VWC2L: variants seen among roughly 807,000 people sequenced by gnomAD.
VWC2L encodes von Willebrand factor C domain-containing protein 2-like.
In VWC2L, 10 loss-of-function variants were observed where a neutral mutation model predicts 21.6. That is an observed-to-expected ratio of 0.46 (90% CI 0.29 to 0.78). The LOEUF (loss-of-function observed/expected upper bound fraction) is 0.78, where lower values mean the gene tolerates loss of function less well. Among genes scored for constraint, VWC2L ranks in the 30% least tolerant of loss-of-function variants. The probability of loss-of-function intolerance (pLI) is 0.10; values close to 1 mark genes in which losing one functional copy is unlikely to be tolerated. For synonymous variants in VWC2L, 96 were observed against 94.3 expected (o/e 1.02, Z -0.10); for missense variants, 209 against 277.1 (o/e 0.75, Z 1.74).
Position 214,469,261 on chromosome 2 carries a change from G to A in VWC2L, c.520+32503G>A, listed in dbSNP as rs1295977144. On this transcript the variant is annotated intron_variant, in intron 3 of 3. Coordinates refer to ENST00000312504, the MANE Select transcript of VWC2L (RefSeq NM_001080500.4). ...TGCAATTAATGACGATCTTATATAA[G>A]AAGTTGGTCTGCTTCAGGTCTATAC... 2.6e-5 allele frequency among the ~76,000 whole-genome samples: 4 copies of A among 152,254 alleles called. No homozygotes were observed. The East Asian group carries it at 7.7e-4, about 29-fold the overall frequency.
At chr2:214,558,082 T>A (rs1689902194) in intron 3 of VWC2L, among the ~76,000 whole-genome samples, 1 of 152,218 alleles carries the variant, frequency 6.6e-6, no homozygotes, top group Admixed American at 6.5e-5. Flanking sequence ...GTCTCTGCCT[T>A]ATCTCCACGC....
chr2:214,559,518 T>C (rs1033390928), intron 3 of VWC2L, among the ~76,000 whole-genome samples: 1 of 152,106 alleles, frequency 6.6e-6, no homozygotes, highest in Non-Finnish European at 1.5e-5. Context: ...CACCACTTTC[T>C]TAAGGCACCC....
chr2:214,548,429 C>CA (rs1437112727), intron 3 of VWC2L, among the ~76,000 whole-genome samples: 1 of 152,192 alleles, frequency 6.6e-6, no homozygotes, highest in Non-Finnish European at 1.5e-5. Flanking sequence ...CCAGGACTTA[C>CA]AATTCATAAA....
At chr2:214,466,167 G>A (rs1306423539) in intron 3 of VWC2L, among the ~76,000 whole-genome samples, 1 of 152,102 alleles carries the variant, frequency 6.6e-6, no homozygotes, top group African/African-American at 2.4e-5. Flanking sequence ...GTTCTTGTTG[G>A]GGGAATGACT....
At chr2:214,534,389 G>C (rs1026147196) in intron 3 of VWC2L, among the ~76,000 whole-genome samples, 3 of 152,136 alleles carry the variant, frequency 2.0e-5, no homozygotes, top group Non-Finnish European at 4.4e-5. Context: ...TGCGTTCTTT[G>C]ATAAAAACGC....
At chr2:214,548,104 T>C (rs1689738436) in intron 3 of VWC2L, among the ~76,000 whole-genome samples, 1 of 152,232 alleles carries the variant, frequency 6.6e-6, no homozygotes, top group Non-Finnish European at 1.5e-5. Context: ...ATTCTCGGGT[T>C]GTCATTAAAC....
At chr2:214,470,917 A>C (rs948157836) in intron 3 of VWC2L, among the ~76,000 whole-genome samples, 5 of 9,134 alleles carry the variant, frequency 5.5e-4, no homozygotes, top group Admixed American at 3.6e-3. Context: ...ACTCCATCTC[A>C]AAAAAAAAAA....
intron 3 of VWC2L, among the ~76,000 whole-genome samples, chr2:214,516,859 T>G (rs569562439): frequency 6.6e-6 from 1 of 152,296 alleles, no homozygotes; most frequent in South Asian, 2.1e-4. Context: ...AAGCCTCACT[T>G]TCCTCATACG....
At chr2:214,441,147 C>G (rs1702758560) in intron 3 of VWC2L, among the ~76,000 whole-genome samples, 1 of 151,968 alleles carries the variant, frequency 6.6e-6, no homozygotes, top group Non-Finnish European at 1.5e-5. Context: ...GGCAAAGGGG[C>G]AAATATTAAT....
chr2:214,520,311 C>G (rs1689215681), intron 3 of VWC2L, among the ~76,000 whole-genome samples: 1 of 152,114 alleles, frequency 6.6e-6, no homozygotes, highest in Non-Finnish European at 1.5e-5. Context: ...ATGTCAAAAA[C>G]ACTTTTCCAT....
intron 3 of VWC2L, among the ~76,000 whole-genome samples, chr2:214,480,144 T>C (rs2126196575): frequency 6.6e-6 from 1 of 152,314 alleles, no homozygotes; most frequent in East Asian, 1.9e-4. Flanking sequence ...CATAAGCACT[T>C]GAGCATCTGC....
chr2:214,496,088 C>G (rs1002803159), intron 3 of VWC2L, among the ~76,000 whole-genome samples: 4 of 151,974 alleles, frequency 2.6e-5, no homozygotes, highest in African/African-American at 9.7e-5. Flanking sequence ...TATACTGTAG[C>G]CTAGGAATAA....
chr2:214,484,781 T>C (rs143729682), intron 3 of VWC2L, among the ~76,000 whole-genome samples: 1 of 152,338 alleles, frequency 6.6e-6, no homozygotes, highest in Non-Finnish European at 1.5e-5. Context: ...TGATAACATT[T>C]GTGTAATATT....
In VWC2L at chr2:214,436,708, G is replaced by C; in HGVS notation, c.470G>C (p.Cys157Ser). ...GTAGCAGACTGCGCAGTTCCTGAGTGTGTCAACCCAGTCTATGAACCAGAA... is the reference window on the plus strand; with the variant it reads ...GTAGCAGACTGCGCAGTTCCTGAGTCTGTCAACCCAGTCTATGAACCAGAA... ...CVVADCAVPE[C>S]VNPVYEPEQC... Residue 157 changes from cysteine to serine, a missense_variant, in exon 3 of 4, where the codon TGT (cysteine) becomes TCT (serine). Cys to Ser is a moderately radical substitution (Grantham distance 112, BLOSUM62 -1). Coordinates refer to ENST00000312504, the MANE Select transcript of VWC2L (RefSeq NM_001080500.4). 6.2e-7 allele frequency: 1 copy of C among 1,613,420 alleles called. No homozygotes were observed. Among genetic ancestry groups the C allele is most frequent in the Non-Finnish European group, 8.5e-7 (1 of 1,179,476 alleles).
intron 3 of VWC2L, among the ~76,000 whole-genome samples, chr2:214,504,384 T>C (rs1347720036): frequency 6.6e-6 from 1 of 152,238 alleles, no homozygotes; most frequent in Non-Finnish European, 1.5e-5. Context: ...AGAGTCTGCA[T>C]CTGATTGCTC....
intron 3 of VWC2L, among the ~76,000 whole-genome samples, chr2:214,508,882 A>G (rs531267977): frequency 6.4e-4 from 97 of 152,294 alleles, no homozygotes; most frequent in African/African-American, 2.3e-3. Context: ...ATTCCCTAAA[A>G]GAGTTCGATT....
intron 3 of VWC2L, among the ~76,000 whole-genome samples, chr2:214,476,635 T>C (rs972947469): frequency 4.6e-5 from 7 of 152,218 alleles, no homozygotes; most frequent in African/African-American, 1.4e-4. Flanking sequence ...TATTAGGTAG[T>C]GTGGAAACAG....
chr2:214,471,145 A>T (rs542075627), intron 3 of VWC2L, among the ~76,000 whole-genome samples: 14 of 152,238 alleles, frequency 9.2e-5, no homozygotes, highest in Admixed American at 4.6e-4. Flanking sequence ...CATGAGGAAC[A>T]TGACACTATC....
intron 3 of VWC2L, among the ~76,000 whole-genome samples, chr2:214,483,728 C>A (rs193138197): frequency 6.8e-4 from 104 of 152,218 alleles, no homozygotes; most frequent in Middle Eastern, 3.4e-3. Context: ...AAAATGCTGC[C>A]ATTCACGTTT....
Sources: gnomAD v4.1 joint callset for allele counts (sites outside exome capture counted in the v4.1 genomes callset) on GRCh38, gnomAD v4.1.1 for gene constraint, MANE v1.5 for transcripts, NCBI Gene and HGNC (gene_info 2026-07-23, HGNC 2026-07-21) for gene names.